Variants in TNFSF8 observed in about 807,000 individuals in gnomAD.
TNFSF8 encodes the protein TNF superfamily member 8.
A neutral mutation model predicts 22.0 loss-of-function variants in TNFSF8; 4 were observed. The observed-to-expected ratio is 0.18, with a 90% confidence interval of 0.09 to 0.42. TNFSF8 has a LOEUF of 0.42. Ranked by LOEUF, TNFSF8 falls within the 10% of genes least tolerant of loss-of-function variation. The probability of loss-of-function intolerance (pLI) is 1.00; values close to 1 mark genes in which losing one functional copy is unlikely to be tolerated. For synonymous variants in TNFSF8, 106 were observed against 112.5 expected, an observed-to-expected ratio of 0.94 and a Z score of 0.37; for missense variants, 233 against 281.8, an observed-to-expected ratio of 0.83 and a Z score of 1.24.
intron 2 of TNFSF8, among the ~76,000 whole-genome samples, chr9:114,910,632 C>T (rs1016467743): frequency 6.6e-6 from 1 of 152,160 alleles, no homozygotes; most frequent in African/African-American, 2.4e-5. Flanking sequence ...TAATGAGCTC[C>T]TGGGTTCCAT....
At chr9:114,904,986 C>G (rs1208072558) in intron 3 of TNFSF8, among the ~76,000 whole-genome samples, 1 of 152,170 alleles carries the variant, frequency 6.6e-6, no homozygotes, top group African/African-American at 2.4e-5. Flanking sequence ...TTAAGGGGCT[C>G]TTGCCATCTG....
chr9:114,918,192 A>AT, intron 1 of TNFSF8, 54 bp from the exon 2 acceptor site: 1 of 1,539,054 alleles, frequency 6.5e-7, no homozygotes, highest in Non-Finnish European at 8.8e-7. Context: ...AGTTGAAACA[A>AT]CTTTTTTTTT....
chr9:114,910,344 A>C (rs193064717), intron 2 of TNFSF8, among the ~76,000 whole-genome samples: 1 of 152,270 alleles, frequency 6.6e-6, no homozygotes, highest in East Asian at 1.9e-4. Context: ...ATTAGACAGA[A>C]AGGGTCACTA....
chr9:114,906,283 G>C (rs1827784111), intron 2 of TNFSF8, among the ~76,000 whole-genome samples: 1 of 152,196 alleles, frequency 6.6e-6, no homozygotes, highest in Non-Finnish European at 1.5e-5. Flanking sequence ...AAAAAATCTG[G>C]GGGCCACGCA....
intron 1 of TNFSF8, among the ~76,000 whole-genome samples, chr9:114,925,236 G>A (rs1007921402): frequency 6.6e-6 from 1 of 152,198 alleles, no homozygotes; most frequent in Non-Finnish European, 1.5e-5. Flanking sequence ...ATACCGTCCA[G>A]TGGTGGTGGG....
At chr9:114,906,922 A>G (rs757461757) in intron 2 of TNFSF8, among the ~76,000 whole-genome samples, 3 of 152,216 alleles carry the variant, frequency 2.0e-5, no homozygotes, top group Non-Finnish European at 2.9e-5. Flanking sequence ...TGACATGGAC[A>G]TCTTCTCAAA....
intron 1 of TNFSF8, among the ~76,000 whole-genome samples, chr9:114,919,569 A>C (rs1427095332): frequency 6.6e-6 from 1 of 152,192 alleles, no homozygotes. Context: ...GGAATGAAGT[A>C]TTTTATTCAT....
chr9:114,926,360 G>A (rs2131351126), intron 1 of TNFSF8, among the ~76,000 whole-genome samples: 1 of 152,256 alleles, frequency 6.6e-6, no homozygotes, highest in Non-Finnish European at 1.5e-5. Flanking sequence ...AATCCGGGAG[G>A]CGGAGCTTGC....
Position 114,901,848 on chromosome 9 carries a change from G to A in TNFSF8, c.*2083C>T, listed in dbSNP as rs1027089844. 28 of 945,410 alleles carry A rather than the reference G, an allele frequency of 3.0e-5. No homozygotes were observed. The highest frequency in any genetic ancestry group is 3.4e-5 in the Non-Finnish European group (27 of 793,562). The allele number at this position is 945,410 out of a possible 1,614,324, so 58.6% of individuals were successfully genotyped here. On this transcript the variant is annotated 3_prime_UTR_variant, in exon 4 of 4. Transcript: ENST00000223795. ...TGACACAGCACACTGCTCAGCAGAT[G>A]ACTTAAAATTTTCCCTTAGCCATTT...
At chr9:114,900,104 A>T (rs1163861169), downstream of TNFSF8, among the ~76,000 whole-genome samples, 1 of 152,210 alleles carries the variant, frequency 6.6e-6, no homozygotes, top group Non-Finnish European at 1.5e-5. Context: ...TCTACTATCT[A>T]ATTCCTTCTC....
chr9:114,908,645 G>GAA lies in TNFSF8; in HGVS notation c.239-2748_239-2747dup, dbSNP rs547947150. Among the ~76,000 whole-genome samples the GAA allele has an allele frequency of 2.0e-3, 301 of 147,478 alleles. 2 individuals are homozygous for GAA. The highest frequency in any genetic ancestry group is 2.3e-3 in the African/African-American group (93 of 40,834). Reference sequence around the variant, plus strand: ...TGTAATTCTGAGAAACCCGAGGATGGAAAAAAAAAACACCTTATTTTGAAA... The same window carrying GAA: ...TGTAATTCTGAGAAACCCGAGGATGGAAAAAAAAAAAACACCTTATTTTGAAA... On this transcript the variant is annotated intron_variant, in intron 2 of 3. Coordinates refer to ENST00000223795, the MANE Select transcript of TNFSF8 (RefSeq NM_001244.4).
intron 1 of TNFSF8, among the ~76,000 whole-genome samples, chr9:114,922,675 A>G (rs113239082): frequency 2.7e-3 from 406 of 152,174 alleles, no homozygotes; most frequent in Non-Finnish European, 4.2e-3. Flanking sequence ...TGAGCAGAAA[A>G]ATCTCCTGAA....
chr9:114,925,318 C>G (rs372676514), intron 1 of TNFSF8, among the ~76,000 whole-genome samples: 1 of 152,320 alleles, frequency 6.6e-6, no homozygotes, highest in East Asian at 1.9e-4. Flanking sequence ...ACAGCCTCCC[C>G]TTAATGGCCT....
Position 114,901,460 on chromosome 9 carries a change from C to G in TNFSF8, c.*2471G>C, listed in dbSNP as rs1408714950. On this transcript the variant is annotated 3_prime_UTR_variant, in exon 4 of 4. Transcript: ENST00000223795. ...ACAGTGCAAAAGTCAGGTACCTCTG[C>G]TCAGAGAACAGTTGGTGAAAAATGA... 1 of 985,274 alleles carries G rather than the reference C, an allele frequency of 1.0e-6. No individual in the cohort carries two copies. The highest frequency in any genetic ancestry group is 1.2e-6 in the Non-Finnish European group (1 of 829,940). The allele number at this position is 985,274 out of a possible 1,614,324, so 61.0% of individuals were successfully genotyped here.
intron 1 of TNFSF8, among the ~76,000 whole-genome samples, chr9:114,929,529 G>C (rs1468370800): frequency 6.6e-6 from 1 of 151,958 alleles, no homozygotes; most frequent in Non-Finnish European, 1.5e-5. Flanking sequence ...TTAGCTCCTT[G>C]TATAAAACAA....
At chr9:114,929,940 AC>A (rs1256893161) in intron 1 of TNFSF8, among the ~76,000 whole-genome samples, 168 bp downstream of exon 1, 23 of 147,622 alleles carry the variant, frequency 1.6e-4, no homozygotes, top group Admixed American at 1.4e-3. Flanking sequence ...TAAGTGTATT[AC>A]GTTATACAGT....
chr9:114,896,101 CAG>C (rs2131337585), intron 4 of TNFSF8, among the ~76,000 whole-genome samples: 1 of 152,288 alleles, frequency 6.6e-6, no homozygotes, highest in Admixed American at 6.5e-5. Context: ...TTGGGGGAAA[CAG>C]AGAAACATAA....
intron 2 of TNFSF8, among the ~76,000 whole-genome samples, chr9:114,914,617 C>T (rs551885925): frequency 1.2e-4 from 19 of 152,262 alleles, no homozygotes; most frequent in Non-Finnish European, 2.2e-4. Context: ...ATCCTATGCC[C>T]AAAGGACATA....
intron 1 of TNFSF8, among the ~76,000 whole-genome samples, chr9:114,921,277 T>C (rs961501671): frequency 2.6e-5 from 4 of 152,230 alleles, no homozygotes; most frequent in Non-Finnish European, 5.9e-5. Context: ...ATGAGGTCTT[T>C]ACAGCTTCTC....
Sources: allele counts gnomAD v4.1 joint callset (sites outside exome capture counted in the v4.1 genomes callset), GRCh38; gene constraint gnomAD v4.1.1; transcripts MANE v1.5; gene names NCBI Gene and HGNC (gene_info 2026-07-23, HGNC 2026-07-21).